ASXL2: variants seen among roughly 807,000 people sequenced by gnomAD.
ASXL2 encodes ASXL transcriptional regulator 2.
In ASXL2, 23 loss-of-function variants were observed where a neutral mutation model predicts 122.0. That is an observed-to-expected ratio of 0.19 (90% CI 0.14 to 0.27). The LOEUF (loss-of-function observed/expected upper bound fraction) is 0.27. Ranked by LOEUF, ASXL2 falls within the 10% of genes least tolerant of loss-of-function variation. ASXL2 has a pLI of 1.00. For synonymous variants in ASXL2, 650 were observed against 637.0 expected (o/e 1.02, Z -0.31); for missense variants, 1,518 against 1,713.8 (o/e 0.89, Z 2.02).
chr2:25,776,458 T>C (rs1268080536), intron 5 of ASXL2, among the ~76,000 whole-genome samples: 1 of 152,238 alleles, frequency 6.6e-6, no homozygotes, highest in Admixed American at 6.5e-5. Context: ...AACAATGTTA[T>C]GAAGAACATT....
intron 3 of ASXL2, among the ~76,000 whole-genome samples, chr2:25,819,504 C>A (rs1433967590): frequency 1.3e-5 from 2 of 152,114 alleles, no homozygotes; most frequent in Non-Finnish European, 2.9e-5. Flanking sequence ...ACACTGAAAT[C>A]ATGGAATCCA....
chr2:25,752,228 G>C (rs2088058233), intron 11 of ASXL2, among the ~76,000 whole-genome samples: 1 of 152,184 alleles, frequency 6.6e-6, no homozygotes, highest in East Asian at 1.9e-4. Flanking sequence ...CAGAAGGAAG[G>C]AAGGGAGACT....
At chr2:25,785,511 C>A (rs1368855612) in intron 5 of ASXL2, among the ~76,000 whole-genome samples, 1 of 151,892 alleles carries the variant, frequency 6.6e-6, no homozygotes, top group Non-Finnish European at 1.5e-5. Context: ...AGGAGTGAGT[C>A]ACTGTGCCCA....
chr2:25,839,382 G>A (rs2149190192), intron 2 of ASXL2, among the ~76,000 whole-genome samples: 2 of 152,262 alleles, frequency 1.3e-5, no homozygotes, highest in East Asian at 3.9e-4. Flanking sequence ...AGATATCACA[G>A]CTACAGCATT....
chr2:25,783,147 A>T (rs1487609658), intron 5 of ASXL2, among the ~76,000 whole-genome samples: 1 of 152,068 alleles, frequency 6.6e-6, no homozygotes, highest in East Asian at 1.9e-4. Context: ...TAAATAAATA[A>T]AAATTAAAAA....
At chr2:25,750,742 C>G (rs1442252165) in intron 11 of ASXL2, among the ~76,000 whole-genome samples, 1 of 152,192 alleles carries the variant, frequency 6.6e-6, no homozygotes, top group African/African-American at 2.4e-5. Flanking sequence ...TTGCCTAACA[C>G]ATAATGAAAG....
chr2:25,817,078 T>C (rs2089247685), intron 3 of ASXL2, among the ~76,000 whole-genome samples: 1 of 152,178 alleles, frequency 6.6e-6, no homozygotes, highest in Admixed American at 6.5e-5. Context: ...TGAGCCAAGA[T>C]TGCACTGCAC....
intron 5 of ASXL2, among the ~76,000 whole-genome samples, chr2:25,777,152 G>C (rs139877767): frequency 9.2e-5 from 14 of 152,226 alleles, no homozygotes; most frequent in African/African-American, 3.4e-4. Flanking sequence ...GCAGTGACAT[G>C]ATCGCACCCC....
chr2:25,781,622 G>C (rs1244771170), intron 5 of ASXL2, among the ~76,000 whole-genome samples: 3 of 147,718 alleles, frequency 2.0e-5, no homozygotes, highest in Non-Finnish European at 4.5e-5. Flanking sequence ...CTGGGCTCAA[G>C]GTATCCCCCT....
At chr2:25,856,936 T>G in intron 1 of ASXL2, 1 of 580,768 alleles carries the variant, frequency 1.7e-6, no homozygotes, top group Non-Finnish European at 3.2e-6. Flanking sequence ...GTCCTATACC[T>G]CATTTTTAAT....
intron 3 of ASXL2, among the ~76,000 whole-genome samples, chr2:25,834,396 C>T (rs2089485835): frequency 1.3e-5 from 2 of 151,992 alleles, no homozygotes; most frequent in South Asian, 4.2e-4. Context: ...AATACATGCT[C>T]CCTTCAAACA....
intron 3 of ASXL2, among the ~76,000 whole-genome samples, chr2:25,828,835 A>AC (rs1243269855): frequency 4.6e-5 from 7 of 150,832 alleles, no homozygotes; most frequent in Non-Finnish European, 7.4e-5. Context: ...AAAAAAAAAA[A>AC]AAAAAAAAAA....
chr2:25,742,475 G>T lies in ASXL2; in HGVS notation c.3862C>A (p.Leu1288Ile). 1 of 1,613,504 alleles carries T rather than the reference G, an allele frequency of 6.2e-7. No individual in the cohort carries two copies. Among genetic ancestry groups the T allele is most frequent in the Non-Finnish European group, 8.5e-7 (1 of 1,179,664 alleles). Residue 1288 changes from leucine (L) to isoleucine (I), a missense_variant, in exon 13 of 13, where the codon CTT becomes ATT. Around this residue, in one of 8 missense-constraint regions of ASXL2, gnomAD observed 831 missense variants for 833.1 expected, o/e 1.00. Transcript: ENST00000435504. ...AGAGGAAGAACAGTAGAACTGAAAA[G>T]CTCGGGGCTGCTACGGATTGCCTTA... Reference protein sequence around the residue: ...RGKAIRSSPELFSSTVLPLPA... With the variant: ...RGKAIRSSPEIFSSTVLPLPA...
chr2:25,769,646 TTTAAC>T (rs745421857), intron 6 of ASXL2, among the ~76,000 whole-genome samples: 1 of 151,828 alleles, frequency 6.6e-6, no homozygotes, highest in African/African-American at 2.4e-5. Flanking sequence ...GAAGGCAACT[TTTAAC>T]TTAAGGTTTT....
chr2:25,796,383 C>A (rs1361832057), intron 5 of ASXL2, among the ~76,000 whole-genome samples: 1 of 152,134 alleles, frequency 6.6e-6, no homozygotes, highest in Non-Finnish European at 1.5e-5. Context: ...GTAAAGGAAT[C>A]ATCAAGAGTT....
intron 3 of ASXL2, among the ~76,000 whole-genome samples, chr2:25,808,975 A>G (rs1311758041): frequency 6.6e-6 from 1 of 152,172 alleles, no homozygotes; most frequent in East Asian, 1.9e-4. Context: ...GGTGCCACAA[A>G]CCCAAAGAAG....
intron 1 of ASXL2, among the ~76,000 whole-genome samples, chr2:25,877,805 T>C (rs530425871): frequency 4.9e-4 from 74 of 152,154 alleles, no homozygotes; most frequent in Admixed American, 5.2e-4. Flanking sequence ...CAATGGGGGC[T>C]CTCCAGCCGC....
At chr2:25,868,331 C>T (rs1175463283) in intron 1 of ASXL2, among the ~76,000 whole-genome samples, 3 of 152,226 alleles carry the variant, frequency 2.0e-5, no homozygotes, top group African/African-American at 7.2e-5. Flanking sequence ...AGGCTGTGAA[C>T]GCCATGAAAG....
intron 3 of ASXL2, among the ~76,000 whole-genome samples, chr2:25,828,508 C>CAAAAA (rs753879104): frequency 1.0e-5 from 1 of 100,096 alleles, no homozygotes; most frequent in Admixed American, 1.1e-4. Context: ...AACTCCATTT[C>CAAAAA]AAAAAAAAAA....
Sources: gnomAD v4.1 joint callset for allele counts (sites outside exome capture counted in the v4.1 genomes callset) on GRCh38, gnomAD v4.1.1 for gene constraint, gnomAD v4.1.1 regional missense constraint, MANE v1.5 for transcripts, NCBI Gene and HGNC (gene_info 2026-07-23, HGNC 2026-07-21) for gene names.